FAM135B: variants seen among roughly 807,000 people sequenced by gnomAD.
FAM135B encodes the protein family with sequence similarity 135 member B, also known as protein FAM135B.
Under a neutral mutation model 127.7 loss-of-function variants are expected in FAM135B, and 43 were observed. That is an observed-to-expected ratio of 0.34 (90% CI 0.26 to 0.43). The LOEUF (loss-of-function observed/expected upper bound fraction) is 0.43, where lower values mean the gene tolerates loss of function less well. Ranked by LOEUF, FAM135B falls within the 20% of genes least tolerant of loss-of-function variation. FAM135B has a pLI of 1.00. For missense variants in FAM135B, 1,558 were observed against 1,725.6 expected (o/e 0.90, Z 1.72); for synonymous variants, 670 against 665.1 (o/e 1.01, Z -0.11).
chr8:138,446,037 A>G (rs1836137606), intron 1 of FAM135B, among the ~76,000 whole-genome samples: 1 of 152,172 alleles, frequency 6.6e-6, no homozygotes, highest in South Asian at 2.1e-4. Context: ...CAAATCATGA[A>G]TGAACTCCCA....
chr8:138,339,887 T>C lies in FAM135B; in HGVS notation c.77+28020A>G, dbSNP rs561718317. On this transcript the variant is annotated intron_variant, in intron 2 of 19. Coordinates refer to ENST00000395297, the MANE Select transcript of FAM135B (RefSeq NM_015912.4). ...CATCAGGATGGAGAGGAAGAGCTGA[T>C]GGGGGAGTGGAAGCGTGGGGGCTGT... Among the ~76,000 whole-genome samples the C allele has an allele frequency of 5.3e-5, 8 of 152,294 alleles. No individual in the cohort carries two copies. The South Asian group carries it at 1.4e-3, about 28-fold the overall frequency.
chr8:138,264,917 C>T (rs904814424), intron 4 of FAM135B, among the ~76,000 whole-genome samples: 5 of 152,070 alleles, frequency 3.3e-5, no homozygotes, highest in African/African-American at 9.7e-5. Flanking sequence ...ATATAATTCT[C>T]GATATATTCT....
At chr8:138,448,485 G>T (rs1442062838) in intron 1 of FAM135B, among the ~76,000 whole-genome samples, 1 of 152,074 alleles carries the variant, frequency 6.6e-6, no homozygotes, top group Non-Finnish European at 1.5e-5. Context: ...AGTTAGCAAG[G>T]ATCTTTTACT....
In FAM135B at chr8:138,418,832, A is replaced by G. The variant is rs150139598; in HGVS notation, c.-19-50830T>C. Among the ~76,000 whole-genome samples the G allele has an allele frequency of 1.9e-3, 282 of 151,068 alleles. 1 individual carries two copies. The highest frequency in any genetic ancestry group is 5.4e-3 in the African/African-American group (222 of 41,344). ...ATTTTCTTTTCACATCAGCCTTACT[A>G]GAAGTCCTTAAGGGAGTGCTAAACA... On this transcript the variant is annotated intron_variant, in intron 1 of 19. Coordinates refer to ENST00000395297, the MANE Select transcript of FAM135B (RefSeq NM_015912.4).
chr8:138,219,597 C>A (rs1267133659), intron 7 of FAM135B, among the ~76,000 whole-genome samples: 1 of 152,148 alleles, frequency 6.6e-6, no homozygotes, highest in Non-Finnish European at 1.5e-5. Flanking sequence ...CCAAATGGAC[C>A]AGGCCTTCCT....
At chr8:138,326,913 A>C (rs78203526) in intron 2 of FAM135B, among the ~76,000 whole-genome samples, 5,658 of 152,216 alleles carry the variant, frequency 0.037, 304 homozygotes, top group African/African-American at 0.12. Flanking sequence ...TTATTATTAT[A>C]ATTATGACAT....
At chr8:138,235,067 A>C (rs1820166108) in intron 7 of FAM135B, among the ~76,000 whole-genome samples, 1 of 152,214 alleles carries the variant, frequency 6.6e-6, no homozygotes, top group Non-Finnish European at 1.5e-5. Context: ...AAAGAAATCA[A>C]AACTTTCCTT....
intron 12 of FAM135B, among the ~76,000 whole-genome samples, chr8:138,167,258 A>C (rs6994208): frequency 0.014 from 2,117 of 152,164 alleles, 37 homozygotes; most frequent in Middle Eastern, 0.051. Context: ...TGCGATGGCG[A>C]GATCTCGGTT....
At chr8:138,253,465 T>C (rs1821855021) in intron 5 of FAM135B, among the ~76,000 whole-genome samples, 1 of 152,186 alleles carries the variant, frequency 6.6e-6, no homozygotes, top group Non-Finnish European at 1.5e-5. Context: ...GCAGCATCTC[T>C]GGCCTTTACT....
chr8:138,474,828 C>T (rs1462103811), intron 1 of FAM135B, among the ~76,000 whole-genome samples: 1 of 152,146 alleles, frequency 6.6e-6, no homozygotes, highest in Non-Finnish European at 1.5e-5. Flanking sequence ...TGGACTCTTC[C>T]CTCTCTATTC....
chr8:138,299,952 T>C lies in FAM135B; in HGVS notation c.157+10889A>G, dbSNP rs763132728. Among the ~76,000 whole-genome samples, 165 of 152,144 alleles carry C rather than the reference T, an allele frequency of 1.1e-3. 2 individuals carry two copies. The highest frequency in any genetic ancestry group is 1.4e-3 in the Non-Finnish European group (97 of 68,004). On this transcript the variant is annotated intron_variant, in intron 3 of 19. Transcript: ENST00000395297. ...TGCTAGGAAGTGGGATCACCAAAAG[T>C]GAGAGTGGTATTTATTTATTTATTT...
chr8:138,407,333 C>T (rs1276929401), intron 1 of FAM135B, among the ~76,000 whole-genome samples: 1 of 152,070 alleles, frequency 6.6e-6, no homozygotes, highest in Non-Finnish European at 1.5e-5. Context: ...CCATACTGCC[C>T]AAGGTAATTT....
intron 3 of FAM135B, among the ~76,000 whole-genome samples, chr8:138,275,838 A>G (rs1214781081): frequency 1.3e-5 from 2 of 152,186 alleles, no homozygotes; most frequent in Admixed American, 1.3e-4. Context: ...GTGAGGACTG[A>G]ACACAGAGCT....
In FAM135B at chr8:138,243,115, G is replaced by A. The variant is rs1464653812; in HGVS notation, c.543-47C>T. 3 of 1,575,804 alleles carry A rather than the reference G, an allele frequency of 1.9e-6. No individual in the cohort carries two copies. In the African/African-American group the frequency reaches 4.1e-5, roughly 21 times the overall value. On this transcript the variant is annotated intron_variant, in intron 6 of 19. Transcript: ENST00000395297. This position sits in a 1 kb window ranked among gnomAD's most constrained non-coding sequence, Gnocchi z 7.5. ...GGGTGAAAAAGGAGGTAAAGAAAGT[G>A]ATGGTGCCATTAACTCAGCCCCTTT... is the stretch of plus-strand genomic sequence containing the variant.
rs569310890 is a variant in FAM135B at position 138,433,955 on chromosome 8, A to G, written c.-20+62716T>C. On this transcript the variant is annotated intron_variant, in intron 1 of 19. Transcript: ENST00000395297. ...AGAAGGGAGCAGCTGCAGAAGACAC[A>G]AACGCATCCACCTTACGGAGATGGG... Among the ~76,000 whole-genome samples the G allele has an allele frequency of 6.6e-5, 10 of 152,344 alleles. No homozygotes were observed. In the South Asian group the frequency reaches 1.5e-3, roughly 22 times the overall value.
chr8:138,139,038 C>A lies in FAM135B; in HGVS notation c.3849G>T (p.Arg1283Ser), dbSNP rs2130565072. 6.2e-7 allele frequency: 1 copy of A among 1,613,930 alleles called. No homozygotes were observed. Among genetic ancestry groups the A allele is most frequent in the Non-Finnish European group, 8.5e-7 (1 of 1,179,898 alleles). The change falls in exon 18 of 20, where the codon AGG becomes AGT. Residue 1283 changes from arginine (R) to serine (S), a missense_variant. Physicochemically the swap from Arg to Ser is moderately radical, Grantham distance 110 (BLOSUM62 -1). Transcript: ENST00000395297. ...KSGSLLQLTF[R>S]DNADLRKCFL... ...AACATTTGCGCAAATCAGCATTATC[C>A]CTGAAGGTCAGCTGCAGTAGAGACC...
At chr8:138,182,267 A>G (rs1445287174) in intron 9 of FAM135B, among the ~76,000 whole-genome samples, 2 of 152,244 alleles carry the variant, frequency 1.3e-5, no homozygotes, top group South Asian at 4.1e-4. Context: ...AAGCCACAAG[A>G]GGACTTTTCT....
At chr8:138,375,137 A>AAAG (rs2131257851) in intron 1 of FAM135B, among the ~76,000 whole-genome samples, 1 of 152,290 alleles carries the variant, frequency 6.6e-6, no homozygotes, top group African/African-American at 2.4e-5. Context: ...CTCTGGCAAA[A>AAAG]AAAAAACTGC....
chr8:138,184,403 T>G (rs1815361656), intron 9 of FAM135B, among the ~76,000 whole-genome samples: 1 of 152,112 alleles, frequency 6.6e-6, no homozygotes, highest in Non-Finnish European at 1.5e-5. Flanking sequence ...TTTCCATGCT[T>G]CCTGCAGCAC....
Sources: allele counts gnomAD v4.1 joint callset (sites outside exome capture counted in the v4.1 genomes callset), GRCh38; gene constraint gnomAD v4.1.1; non-coding constraint Gnocchi (gnomAD v3.1); transcripts MANE v1.5; gene names NCBI Gene and HGNC (gene_info 2026-07-23, HGNC 2026-07-21).